The following KIF1B variants were observed in gnomAD, a reference collection of about 807,000 sequenced individuals.
The protein encoded by KIF1B is kinesin-like protein KIF1B.
KIF1B carries 76 observed loss-of-function variants against 241.9 expected under a neutral mutation model. The observed-to-expected ratio is 0.31, with a 90% CI of 0.26 to 0.38. KIF1B has a LOEUF of 0.38. KIF1B is among the 10% of genes least tolerant of loss of function. The pLI, the probability that KIF1B is intolerant of heterozygous loss-of-function variation, is 1.00. For missense variants in KIF1B, 1,622 were observed against 2,271.4 expected (o/e 0.71, Z 5.81); for synonymous variants, 750 against 796.7 (o/e 0.94, Z 0.99).
chr1:10,238,733 CAACAAA>C (rs1036285891), intron 2 of KIF1B, among the ~76,000 whole-genome samples: 3 of 141,854 alleles, frequency 2.1e-5, no homozygotes, highest in South Asian at 2.2e-4. Flanking sequence ...ACAACAACAA[CAACAAA>C]AAACACCAAA....
At position 10,336,734 on chromosome 1, in the gene KIF1B, T is replaced by C. The variant is rs759343208; in HGVS notation, c.3121T>C (p.Phe1041Leu). The C allele has an allele frequency of 6.2e-7, 1 of 1,611,458 alleles. No homozygotes were observed. The highest frequency in any genetic ancestry group is 1.1e-5 in the South Asian group (1 of 91,044). The change falls in exon 29 of 49, where the codon TTT becomes CTT. Residue 1041 changes from phenylalanine to leucine, a missense_variant. This residue lies in a region of KIF1B where 803 missense variants were observed against 1,112.0 expected (regional missense o/e 0.72). Coordinates refer to ENST00000676179, the MANE Select transcript of KIF1B (RefSeq NM_001365951.3). ...TAKISFDNEY[F>L]NQSDFSSVAM... Reference sequence around the variant, plus strand: ...TAAAATATCTTTTGATAATGAATACTTTAATCAGGTGAGAAACCGTCAGGA... The same window carrying C: ...TAAAATATCTTTTGATAATGAATACCTTAATCAGGTGAGAAACCGTCAGGA...
At chr1:10,240,473 G>A (rs571397056) in intron 2 of KIF1B, among the ~76,000 whole-genome samples, 1 of 152,216 alleles carries the variant, frequency 6.6e-6, no homozygotes, top group South Asian at 2.1e-4. Context: ...CTCCCAAAGT[G>A]CTGGGATTAA....
At position 10,374,980 on chromosome 1, in the gene KIF1B, G is replaced by A. The variant is rs1441330290; in HGVS notation, c.5223G>A (p.Glu1741=). The change falls in exon 47 of 49, where the codon GAG becomes GAA. Residue 1741 remains glutamate, a synonymous_variant. Coordinates refer to ENST00000676179, the MANE Select transcript of KIF1B (RefSeq NM_001365951.3). The surrounding 1 kb of genome is among the most constrained non-coding windows in gnomAD (Gnocchi z 4.3). ...FIYNSDKDPV[E]RGIINLSTAQ... ...ATAACAGTGACAAAGACCCTGTGGA[G>A]CGTGGAATCATTAACCTGTCCACAG... The A allele has an allele frequency of 6.2e-7, 1 of 1,614,182 alleles. No homozygotes were observed. Among genetic ancestry groups the A allele is most frequent in the Non-Finnish European group, 8.5e-7 (1 of 1,180,026 alleles).
At chr1:10,304,528 A>G in intron 22 of KIF1B, 2 of 1,613,974 alleles carry the variant, frequency 1.2e-6, no homozygotes, top group Non-Finnish European at 1.7e-6. Flanking sequence ...CAATGCAGCC[A>G]CTTCCTATCA....
intron 38 of KIF1B, among the ~76,000 whole-genome samples, chr1:10,353,178 C>T (rs1652860080): frequency 6.6e-6 from 1 of 152,098 alleles, no homozygotes; most frequent in Admixed American, 6.5e-5. Context: ...TAAAATGAAG[C>T]CTCTTGTGTT....
chr1:10,266,378 A>G (rs1021155750), intron 5 of KIF1B, among the ~76,000 whole-genome samples: 2 of 152,324 alleles, frequency 1.3e-5, no homozygotes, highest in Non-Finnish European at 2.9e-5. Flanking sequence ...TAATTGCCCC[A>G]GGTTAAGAAA....
chr1:10,267,188 T>C (rs1648513353), intron 5 of KIF1B, among the ~76,000 whole-genome samples, 192 bp from the exon 6 acceptor site: 1 of 152,106 alleles, frequency 6.6e-6, no homozygotes, highest in Non-Finnish European at 1.5e-5. Context: ...CTGGCTCCTT[T>C]TTGTATTTTT....
At chr1:10,292,227 C>T in intron 17 of KIF1B, 105 bp downstream of exon 17, 2 of 826,728 alleles carry the variant, frequency 2.4e-6, no homozygotes, top group Non-Finnish European at 4.2e-6. Context: ...CCCTTATTAT[C>T]TTGATACTTG....
In KIF1B at chr1:10,320,149, GACCGAAAGTTTCCTGTGTAT is replaced by G. The variant is rs1557711901; in HGVS notation, c.2209+15_2209+34del. 2 of 1,567,600 alleles carry G rather than the reference GACCGAAAGTTTCCTGTGTAT, an allele frequency of 1.3e-6. No individual in the cohort carries two copies. The highest frequency in any genetic ancestry group is 4.5e-5 in the East Asian group (2 of 44,650). On this transcript the variant is annotated intron_variant, in intron 23 of 48. Transcript: ENST00000676179. ...GAAGAGGAAGAAGGTGAAATCTAGAGACCGAAAGTTTCCTGTGTATATCTTTTTGAAGTTATATTATCAAA... is the reference window on the plus strand; with the variant it reads ...GAAGAGGAAGAAGGTGAAATCTAGAGATCTTTTTGAAGTTATATTATCAAA...
intron 43 of KIF1B, 109 bp from the exon 44 acceptor site, chr1:10,368,358 C>T: frequency 1.2e-6 from 1 of 832,608 alleles, no homozygotes; most frequent in Non-Finnish European, 2.1e-6. Context: ...AGCTTCCATG[C>T]CCTCCCCGGG....
In KIF1B at chr1:10,268,106, C is replaced by T. The variant is rs367998427; in HGVS notation, c.609-46C>T. On this transcript the variant is annotated intron_variant, in intron 6 of 48. Transcript: ENST00000676179. ...GGAGCCTGCTGTCCATTTCAACTCT[C>T]ATCTAAGAATTCCCTTGTCACGTGG... 24 of 1,255,252 alleles carry T rather than the reference C, an allele frequency of 1.9e-5. No homozygotes were observed. The African/African-American group carries it at 2.8e-4, about 15-fold the overall frequency. The allele number at this position is 1,255,252 out of a possible 1,614,324, so 77.8% of individuals were successfully genotyped here.
In KIF1B at chr1:10,359,603, T is replaced by TA. The variant is rs1638355884; in HGVS notation, c.4056-1325dup. ...TCTATTAAATTAAGTTTCCATTTGT[T>TA]ACATAAATGTAAGATTAATTTTTCA... On this transcript the variant is annotated intron_variant, in intron 38 of 48. Coordinates refer to ENST00000676179, the MANE Select transcript of KIF1B (RefSeq NM_001365951.3). 3.3e-5 allele frequency among the ~76,000 whole-genome samples: 5 copies of TA among 152,326 alleles called. No homozygotes were observed. In the South Asian group the frequency reaches 1.0e-3, roughly 32 times the overall value.
intron 28 of KIF1B, 77 bp from the exon 29 acceptor site, chr1:10,336,580 A>G: frequency 8.7e-7 from 1 of 1,153,718 alleles, no homozygotes; most frequent in Non-Finnish European, 1.3e-6. Context: ...TTGAGTTTAT[A>G]ATCCAGCAAG....
Position 10,321,838 on chromosome 1 carries a change from G to A in KIF1B, c.2339G>A (p.Ser780Asn), listed in dbSNP as rs376551423. Residue 780 changes from serine (S) to asparagine (N), a missense_variant, in exon 24 of 49, where the codon AGT (serine) becomes AAT (asparagine). By Grantham distance (46) the Ser-to-Asn change is conservative. Around this residue, in one of 7 missense-constraint regions of KIF1B, gnomAD observed 803 missense variants for 1,112.0 expected, o/e 0.72. Transcript: ENST00000676179. ...AVYLKEANAISVELKKKVQFQ... is the reference protein window; with the variant it reads ...AVYLKEANAINVELKKKVQFQ... ...TACCTAAAGGAGGCCAATGCCATCA[G>A]TGTGGAACTGAAAAAGAAGGTATGG... 6.8e-6 allele frequency: 11 copies of A among 1,614,184 alleles called. No homozygotes were observed. The highest frequency in any genetic ancestry group is 2.7e-5 in the African/African-American group (2 of 75,054).
chr1:10,226,991 A>AC (rs58606099), intron 1 of KIF1B, among the ~76,000 whole-genome samples: 10 of 150,102 alleles, frequency 6.7e-5, no homozygotes, highest in East Asian at 2.0e-4. Context: ...AAACAAACAA[A>AC]AAAATACATT....
chr1:10,254,831 C>G lies in KIF1B; in HGVS notation c.107-1416C>G, dbSNP rs192353477. On this transcript the variant is annotated intron_variant, in intron 2 of 48. Coordinates refer to ENST00000676179, the MANE Select transcript of KIF1B (RefSeq NM_001365951.3). The stretch of plus-strand genomic sequence containing the variant: ...GGTGGAGCTTGCAGTGAGCCGAGAT[C>G]GTGCCACTCCCCTTCAGCTAGGGCG... Among the ~76,000 whole-genome samples the G allele has an allele frequency of 4.7e-3, 619 of 132,744 alleles. 2 individuals carry two copies. Among genetic ancestry groups the G allele is most frequent in the Non-Finnish European group, 6.2e-3 (399 of 64,852 alleles). 87.1% of individuals were successfully genotyped at this position (132,744 alleles called of 152,430 possible).
chr1:10,296,702 G>T, intron 20 of KIF1B, 37 bp downstream of exon 20: 1 of 1,568,950 alleles, frequency 6.4e-7, no homozygotes, highest in Non-Finnish European at 8.8e-7. Flanking sequence ...TCAGCAATGT[G>T]CACATGGCTT....
At chr1:10,292,774 C>T (rs957809737) in intron 17 of KIF1B, among the ~76,000 whole-genome samples, 5 of 152,066 alleles carry the variant, frequency 3.3e-5, no homozygotes, top group African/African-American at 4.8e-5. Context: ...TAAGTTGCAA[C>T]GTCTTGTTGG....
chr1:10,254,876 CAAA>C (rs1159193467), intron 2 of KIF1B, among the ~76,000 whole-genome samples: 1 of 36,636 alleles, frequency 2.7e-5, no homozygotes, highest in African/African-American at 1.1e-4. Context: ...GACTCTGTCT[CAAA>C]AAAAAAAAAA....
Sources: allele counts gnomAD v4.1 joint callset (sites outside exome capture counted in the v4.1 genomes callset), GRCh38; gene constraint gnomAD v4.1.1; regional missense constraint gnomAD v4.1.1; non-coding constraint Gnocchi (gnomAD v3.1); transcripts MANE v1.5; gene names NCBI Gene and HGNC (gene_info 2026-07-23, HGNC 2026-07-21).